The following ANKHD1 variants were observed in gnomAD, a reference collection of about 807,000 sequenced individuals.
ANKHD1 encodes the protein ankyrin repeat and KH domain-containing protein 1.
In ANKHD1, 31 loss-of-function variants were observed where a neutral mutation model predicts 230.5. The observed-to-expected ratio is 0.13, with a 90% CI of 0.10 to 0.18. The LOEUF (loss-of-function observed/expected upper bound fraction) is 0.18, where lower values mean the gene tolerates loss of function less well. ANKHD1 is among the 10% of genes least tolerant of loss of function. ANKHD1 has a pLI of 1.00. For synonymous variants in ANKHD1, 1,074 were observed against 1,117.6 expected (o/e 0.96, Z 0.78); for missense variants, 2,256 against 3,071.3 (o/e 0.73, Z 6.27).
chr5:140,440,297 T>C (rs377384368), intron 4 of ANKHD1, 31 bp downstream of exon 4: 2 of 1,591,950 alleles, frequency 1.3e-6, no homozygotes, highest in Non-Finnish European at 1.7e-6. Context: ...GTGATTAAAA[T>C]TGTGGAAGGG....
chr5:140,539,203 TTTTC>T, intron 33 of ANKHD1, 120 bp downstream of exon 33: 1 of 1,514,240 alleles, frequency 6.6e-7, no homozygotes, highest in Non-Finnish European at 8.8e-7. Flanking sequence ...CTGGATTGCT[TTTTC>T]AATATCAAGA....
chr5:140,524,317 A>T, intron 25 of ANKHD1, 77 bp downstream of exon 25: 1 of 1,431,496 alleles, frequency 7.0e-7, no homozygotes, highest in Non-Finnish European at 9.1e-7. Context: ...TCTTTGCTCT[A>T]GTTAACTCTA....
At chr5:140,421,200 G>A (rs1253640943) in intron 1 of ANKHD1, among the ~76,000 whole-genome samples, 1 of 151,662 alleles carries the variant, frequency 6.6e-6, no homozygotes, top group South Asian at 2.1e-4. Flanking sequence ...GAGTGGACTA[G>A]TCTCCAAGAA....
intron 32 of ANKHD1, 120 bp downstream of exon 32, chr5:140,538,381 T>C: frequency 6.7e-7 from 1 of 1,491,718 alleles, no homozygotes; most frequent in Non-Finnish European, 9.0e-7. Flanking sequence ...GCTAGATCTT[T>C]TGCTTAATTT....
chr5:140,412,199 G>A (rs566941540), intron 1 of ANKHD1, among the ~76,000 whole-genome samples: 2 of 151,686 alleles, frequency 1.3e-5, no homozygotes, highest in African/African-American at 4.8e-5. Context: ...ACCATGCCCC[G>A]CTAATTTGTT....
At chr5:140,431,678 T>TA (rs1251499973) in intron 1 of ANKHD1, among the ~76,000 whole-genome samples, 1 of 152,228 alleles carries the variant, frequency 6.6e-6, no homozygotes, top group Non-Finnish European at 1.5e-5. Flanking sequence ...ACTTGAACCT[T>TA]ATTCTCTTGA....
chr5:140,467,425 T>A (rs906009239), intron 10 of ANKHD1, among the ~76,000 whole-genome samples: 1 of 152,184 alleles, frequency 6.6e-6, no homozygotes, highest in Non-Finnish European at 1.5e-5. Context: ...AGCAATACTG[T>A]TCTTCATATA....
chr5:140,490,897 G>A (rs985801481), intron 14 of ANKHD1, among the ~76,000 whole-genome samples: 22 of 151,530 alleles, frequency 1.5e-4, no homozygotes, highest in Admixed American at 1.4e-3. Flanking sequence ...AGAGGGTTGA[G>A]TTAATCATAC....
intron 7 of ANKHD1, among the ~76,000 whole-genome samples, chr5:140,457,148 A>C (rs544615522): frequency 1.3e-5 from 2 of 152,334 alleles, no homozygotes; most frequent in Admixed American, 1.3e-4. Flanking sequence ...TCAAAACCAC[A>C]ATGAGATACC....
intron 1 of ANKHD1, among the ~76,000 whole-genome samples, chr5:140,422,044 A>G (rs1311326562): frequency 1.3e-5 from 2 of 152,124 alleles, no homozygotes; most frequent in Non-Finnish European, 2.9e-5. Context: ...TTCTTCATGA[A>G]CTCACATTTT....
At chr5:140,505,039 T>A in intron 16 of ANKHD1, 73 bp downstream of exon 16, 1 of 1,604,110 alleles carries the variant, frequency 6.2e-7, no homozygotes, top group South Asian at 1.1e-5. Flanking sequence ...TATTCTGCAT[T>A]TATTGTGAAA....
At chr5:140,437,224 C>T (rs1037501494) in intron 2 of ANKHD1, among the ~76,000 whole-genome samples, 1 of 152,180 alleles carries the variant, frequency 6.6e-6, no homozygotes, top group Non-Finnish European at 1.5e-5. Flanking sequence ...CCATAATATT[C>T]TGTTGCTTGG....
At chr5:140,495,602 G>A (rs765356298) in intron 14 of ANKHD1, among the ~76,000 whole-genome samples, 1 of 152,010 alleles carries the variant, frequency 6.6e-6, no homozygotes, top group Non-Finnish European at 1.5e-5. Flanking sequence ...GGTATTGTAC[G>A]TCAAAAAATT....
intron 9 of ANKHD1, 121 bp from the exon 10 acceptor site, chr5:140,464,546 C>T (rs1227598305): frequency 4.8e-6 from 4 of 840,370 alleles, no homozygotes; most frequent in Non-Finnish European, 6.7e-6. Context: ...AACTAGTATA[C>T]TTAAAATGCA....
At chr5:140,438,973 T>TC (rs1428156904) in intron 3 of ANKHD1, among the ~76,000 whole-genome samples, 13 of 152,146 alleles carry the variant, frequency 8.5e-5, no homozygotes, top group African/African-American at 2.9e-4. Flanking sequence ...TGAAACGAGT[T>TC]ACTAATGCAG....
rs1338198307 is a variant in ANKHD1, at chr5:140,437,460, C to T, written c.461-1001C>T. Among the ~76,000 whole-genome samples the T allele has an allele frequency of 4.6e-5, 7 of 152,112 alleles. 1 individual carries two copies. The East Asian group carries it at 9.6e-4, about 21-fold the overall frequency. ...GCTCATGCCTGTAATCCCAGCACTT[C>T]GGGAGGCCGAGGCAGGTGGATCACT... On this transcript the variant is annotated intron_variant, in intron 2 of 33. Transcript: ENST00000360839.
intron 1 of ANKHD1, among the ~76,000 whole-genome samples, chr5:140,411,848 A>G (rs1463869620): frequency 6.9e-6 from 1 of 144,378 alleles, no homozygotes; most frequent in Admixed American, 7.1e-5. Flanking sequence ...TTTTTTTTTG[A>G]GACAGGGTCC....
Position 140,526,269 on chromosome 5 carries a change from G to T in ANKHD1, c.4766G>T (p.Gly1589Val), listed in dbSNP as rs746346312. 2 of 1,614,166 alleles carry T rather than the reference G, an allele frequency of 1.2e-6. No homozygotes were observed. Among genetic ancestry groups the T allele is most frequent in the Middle Eastern group, 1.6e-4 (1 of 6,062 alleles). Residue 1589 changes from glycine to valine, a missense_variant, in exon 26 of 34, where the codon GGG becomes GTG. Physicochemically the swap from Gly to Val is moderately radical, Grantham distance 109. Coordinates refer to ENST00000360839, the MANE Select transcript of ANKHD1 (RefSeq NM_017747.3). Reference sequence around the variant, plus strand: ...GAACCTAGAGGTGGTGGTGCAGGTGGGAATAGTGATTCAGATAACTTGGAC... The same window carrying T: ...GAACCTAGAGGTGGTGGTGCAGGTGTGAATAGTGATTCAGATAACTTGGAC... Reference protein sequence around the residue: ...NGEPRGGGAGGNSDSDNLDST... With the variant: ...NGEPRGGGAGVNSDSDNLDST...
rs146083179 is a variant in ANKHD1 at position 140,481,560 on chromosome 5, A to G, written c.1783-1020A>G. 3.7e-3 allele frequency among the ~76,000 whole-genome samples: 556 copies of G among 152,128 alleles called. 7 individuals carry two copies. Among genetic ancestry groups the G allele is most frequent in the African/African-American group, 0.013 (542 of 41,556 alleles). Reference sequence around the variant, plus strand: ...TTTCCATTGAGTTGACAGTCTACTCATTTCTTATTGTTGTTTTGCCTGAGT... The same window carrying G: ...TTTCCATTGAGTTGACAGTCTACTCGTTTCTTATTGTTGTTTTGCCTGAGT... On this transcript the variant is annotated intron_variant, in intron 10 of 33. Coordinates refer to ENST00000360839, the MANE Select transcript of ANKHD1 (RefSeq NM_017747.3).
Sources: gnomAD v4.1 joint callset for allele counts (sites outside exome capture counted in the v4.1 genomes callset) on GRCh38, gnomAD v4.1.1 for gene constraint, MANE v1.5 for transcripts, NCBI Gene and HGNC (gene_info 2026-07-23, HGNC 2026-07-21) for gene names.